SP140: variants seen among roughly 807,000 people sequenced by gnomAD.
SP140 encodes the protein nuclear body protein SP140.
In SP140, 81 loss-of-function variants were observed where a neutral mutation model predicts 125.0. The ratio of observed to expected loss-of-function variants is 0.65; its 90% confidence interval spans 0.54 to 0.78. SP140 has a LOEUF of 0.78. Among genes scored for constraint, SP140 ranks in the 30% least tolerant of loss-of-function variants. SP140 has a pLI of 0.00. For synonymous variants in SP140, 312 were observed against 354.0 expected (o/e 0.88, Z 1.33); for missense variants, 858 against 1,037.0 (o/e 0.83, Z 2.37).
intron 15 of SP140, among the ~76,000 whole-genome samples, chr2:230,271,329 C>T (rs912319384): frequency 4.6e-5 from 7 of 152,070 alleles, no homozygotes; most frequent in Admixed American, 1.3e-4. Flanking sequence ...AGATTATGAT[C>T]GGAAAAGCCT....
chr2:230,298,076 C>T (rs1033104652), intron 22 of SP140, among the ~76,000 whole-genome samples: 22 of 152,154 alleles, frequency 1.4e-4, no homozygotes, highest in Admixed American at 1.3e-4. Context: ...GAAACCATCA[C>T]GACCTAGCAA....
At chr2:230,254,279 G>A (rs2050814788) in intron 11 of SP140, among the ~76,000 whole-genome samples, 1 of 152,204 alleles carries the variant, frequency 6.6e-6, no homozygotes, top group Non-Finnish European at 1.5e-5. Context: ...AGAGTTACTA[G>A]ACAGCAGCAA....
chr2:230,305,202 C>T (rs1462277931), intron 22 of SP140, among the ~76,000 whole-genome samples: 5 of 152,154 alleles, frequency 3.3e-5, no homozygotes, highest in Admixed American at 1.3e-4. Context: ...AACCGCAATG[C>T]GATACCACCT....
chr2:230,199,148 ATT>A (rs113583785), upstream of SP140, among the ~76,000 whole-genome samples: 1 of 139,102 alleles, frequency 7.2e-6, no homozygotes, highest in African/African-American at 2.8e-5. Flanking sequence ...TATTATTATT[ATT>A]TTTTTTTTTT....
intron 15 of SP140, among the ~76,000 whole-genome samples, chr2:230,271,376 G>A (rs1264711055): frequency 6.6e-6 from 1 of 152,106 alleles, no homozygotes; most frequent in Non-Finnish European, 1.5e-5. Context: ...AAACATGGAT[G>A]CTAAAGACTG....
upstream of SP140, chr2:230,202,595 T>C (rs370278137): frequency 8.7e-6 from 14 of 1,614,108 alleles, no homozygotes; most frequent in Non-Finnish European, 1.0e-5. Flanking sequence ...ATCTCGACTT[T>C]CGGGCACATT....
At chr2:230,290,585 T>C in intron 19 of SP140, 21 bp downstream of exon 19, 1 of 1,562,986 alleles carries the variant, frequency 6.4e-7, no homozygotes, top group Non-Finnish European at 8.8e-7. Flanking sequence ...TGGTCTTCTT[T>C]AATTTGCAGC....
intron 18 of SP140, among the ~76,000 whole-genome samples, chr2:230,288,759 G>C (rs2056783440): frequency 6.6e-6 from 1 of 152,002 alleles, no homozygotes. Flanking sequence ...CCAGAATGAT[G>C]GTTTCCAGCT....
upstream of SP140, chr2:230,221,575 T>A (rs1574827700): frequency 2.1e-6 from 2 of 948,174 alleles, no homozygotes; most frequent in Non-Finnish European, 3.2e-6. Context: ...CCAGGAAAAA[T>A]TCAATGCTAA....
chr2:230,297,443 A>G lies in SP140; in HGVS notation c.2039A>G (p.Asn680Ser), dbSNP rs1314191538. ...KKKRILKSQN[N>S]SSVDPCMRNL... is the part of the protein sequence containing the mutation. Reference sequence around the variant, plus strand: ...CAGAGAATACTGAAGTCTCAAAACAATAGCTCAGTTGACCCTTGTGTAAGT... The same window carrying G: ...CAGAGAATACTGAAGTCTCAAAACAGTAGCTCAGTTGACCCTTGTGTAAGT... The change falls in exon 22 of 27, where the codon AAT (asparagine) becomes AGT (serine). Residue 680 changes from asparagine to serine, a missense_variant. Coordinates refer to ENST00000392045, the MANE Select transcript of SP140 (RefSeq NM_007237.5). The G allele has an allele frequency of 3.1e-6, 5 of 1,614,004 alleles. No homozygotes were observed. The highest frequency in any genetic ancestry group is 4.2e-6 in the Non-Finnish European group (5 of 1,179,826).
chr2:230,289,174 A>T (rs1332046630), intron 18 of SP140, among the ~76,000 whole-genome samples: 1 of 152,158 alleles, frequency 6.6e-6, no homozygotes, highest in East Asian at 1.9e-4. Flanking sequence ...CTGGCGTGAG[A>T]TGGTATCTCA....
At chr2:230,309,848 T>A in intron 22 of SP140, 76 bp from the exon 23 acceptor site, 1 of 1,461,428 alleles carries the variant, frequency 6.8e-7, no homozygotes, top group East Asian at 2.3e-5. Context: ...AAAGGCAGTG[T>A]GTTCTAGTTG....
At chr2:230,252,841 G>A (rs146112738) in intron 10 of SP140, among the ~76,000 whole-genome samples, 1 of 152,198 alleles carries the variant, frequency 6.6e-6, no homozygotes, top group African/African-American at 2.4e-5. Context: ...CGGGTCACAG[G>A]GTCAGAATAG....
chr2:230,251,745 T>C (rs1234915742), intron 10 of SP140, among the ~76,000 whole-genome samples: 1 of 152,184 alleles, frequency 6.6e-6, no homozygotes, highest in Non-Finnish European at 1.5e-5. Flanking sequence ...ATACTCTTCA[T>C]TATGTTATTG....
the SP140 span, among the ~76,000 whole-genome samples, chr2:230,194,686 T>A: frequency 2.0e-5 from 3 of 152,208 alleles, no homozygotes; most frequent in Non-Finnish European, 4.4e-5. Context: ...CCAAATCTAA[T>A]CCAGTTTGGA....
chr2:230,307,955 G>GTA (rs60233854), intron 22 of SP140, among the ~76,000 whole-genome samples: 2,231 of 48,238 alleles, frequency 0.046, 102 homozygotes, highest in Non-Finnish European at 0.062. Context: ...GGACATGCAT[G>GTA]TATATATATA....
chr2:230,227,885 C>T (rs769680843), intron 1 of SP140, among the ~76,000 whole-genome samples: 11 of 152,196 alleles, frequency 7.2e-5, no homozygotes, highest in African/African-American at 1.9e-4. Context: ...TTAAGTTTCT[C>T]GAATGTTTTC....
At chr2:230,205,610 C>CTGTCT (rs2043690921) in intron 1 of SP140, among the ~76,000 whole-genome samples, 1 of 151,112 alleles carries the variant, frequency 6.6e-6, no homozygotes. Context: ...AAAAAAAAAT[C>CTGTCT]TGTCTTCAGC....
the SP140 span, among the ~76,000 whole-genome samples, chr2:230,189,952 T>G: frequency 1.3e-5 from 2 of 152,176 alleles, no homozygotes; most frequent in Non-Finnish European, 2.9e-5. Flanking sequence ...TGCTGGATTC[T>G]TTATCCAGCA....
Sources: gnomAD v4.1 joint callset for allele counts (sites outside exome capture counted in the v4.1 genomes callset) on GRCh38, gnomAD v4.1.1 for gene constraint, MANE v1.5 for transcripts, NCBI Gene and HGNC (gene_info 2026-07-23, HGNC 2026-07-21) for gene names.